The following VPS26A variants were observed in gnomAD, a reference collection of about 807,000 sequenced individuals.
The protein encoded by VPS26A is vacuolar protein sorting-associated protein 26A.
VPS26A carries 22 observed loss-of-function variants against 42.4 expected under a neutral mutation model. That is an observed-to-expected ratio of 0.52 (90% CI 0.37 to 0.74). The LOEUF is 0.74. Among genes scored for constraint, VPS26A ranks in the 30% least tolerant of loss-of-function variants. VPS26A has a pLI of 0.00. For synonymous variants in VPS26A, 110 were observed against 123.5 expected, an observed-to-expected ratio of 0.89 and a Z score of 0.73; for missense variants, 276 against 379.2, an observed-to-expected ratio of 0.73 and a Z score of 2.26.
intron 2 of VPS26A, among the ~76,000 whole-genome samples, chr10:69,144,211 C>T (rs1339769692): frequency 6.6e-6 from 1 of 152,186 alleles, no homozygotes; most frequent in Non-Finnish European, 1.5e-5. Flanking sequence ...ACTAATCTTG[C>T]ATTAGAGTGA....
chr10:69,144,421 T>C (rs1841110562), intron 2 of VPS26A, among the ~76,000 whole-genome samples: 1 of 152,122 alleles, frequency 6.6e-6, no homozygotes. Flanking sequence ...GTCATGCCGC[T>C]CTGGCACCTG....
At chr10:69,163,722 C>T (rs1841614452) in intron 6 of VPS26A, among the ~76,000 whole-genome samples, 1 of 151,400 alleles carries the variant, frequency 6.6e-6, no homozygotes, top group African/African-American at 2.4e-5. Context: ...TTACCACAGT[C>T]AAGCTAATTA....
At chr10:69,146,745 A>G (rs151264444) in intron 2 of VPS26A, among the ~76,000 whole-genome samples, 3 of 152,258 alleles carry the variant, frequency 2.0e-5, no homozygotes, top group African/African-American at 7.2e-5. Context: ...TGAGAACATC[A>G]TTCTTCTTTT....
At chr10:69,156,493 T>C (rs1466501018) in intron 3 of VPS26A, among the ~76,000 whole-genome samples, 2 of 152,164 alleles carry the variant, frequency 1.3e-5, no homozygotes, top group Admixed American at 1.3e-4. Flanking sequence ...TCTAGCTTTC[T>C]AAGTTTCAGT....
At chr10:69,168,710 G>A (rs1457380687) in intron 8 of VPS26A, 79 bp downstream of exon 8, 4 of 1,518,940 alleles carry the variant, frequency 2.6e-6, no homozygotes, top group Non-Finnish European at 3.5e-6. Context: ...AAGCTTCACT[G>A]TACTGAGCGA....
intron 2 of VPS26A, among the ~76,000 whole-genome samples, chr10:69,150,760 C>G (rs1841285995): frequency 6.6e-6 from 1 of 152,060 alleles, no homozygotes; most frequent in African/African-American, 2.4e-5. Context: ...CATCATGTCT[C>G]CAACTTACTC....
Position 69,132,982 on chromosome 10 carries a change from A to G in VPS26A, c.88A>G (p.Lys30Glu), listed in dbSNP as rs1258452194. ...DGETRKMAEMKTEDGKVEKHY... is the reference protein window; with the variant it reads ...DGETRKMAEMETEDGKVEKHY... Reference sequence around the variant, plus strand: ...GGAAACCAGGAAAATGGCAGAAATGAAAACTGAAGATGGCAAAGTAGAAAA... The same window carrying G: ...GGAAACCAGGAAAATGGCAGAAATGGAAACTGAAGATGGCAAAGTAGAAAA... Residue 30 changes from lysine (K) to glutamate (E), a missense_variant, in exon 2 of 9, where the codon AAA becomes GAA. Lys to Glu is a moderately conservative substitution (Grantham distance 56). Transcript: ENST00000263559. The G allele has an allele frequency of 2.5e-6, 4 of 1,613,230 alleles. No homozygotes were observed. The highest frequency in any genetic ancestry group is 3.4e-6 in the Non-Finnish European group (4 of 1,179,842).
chr10:69,129,802 T>C (rs956122561), intron 1 of VPS26A, among the ~76,000 whole-genome samples: 3 of 152,188 alleles, frequency 2.0e-5, no homozygotes, highest in African/African-American at 4.8e-5. Flanking sequence ...GGATTACAGG[T>C]GTGAGCTACC....
At chr10:69,136,845 G>A (rs943692465) in intron 2 of VPS26A, among the ~76,000 whole-genome samples, 2 of 151,918 alleles carry the variant, frequency 1.3e-5, no homozygotes, top group African/African-American at 2.4e-5. Context: ...AGGCTGGAGT[G>A]CGATGGCGTG....
At chr10:69,171,020 A>T in intron 8 of VPS26A, 136 bp from the exon 9 acceptor site, 1 of 696,706 alleles carries the variant, frequency 1.4e-6, no homozygotes, top group African/African-American at 1.8e-5. Flanking sequence ...AAGAAAGTGG[A>T]AAAGAAGTTG....
intron 2 of VPS26A, among the ~76,000 whole-genome samples, chr10:69,151,282 AACAC>A (rs1554854472): frequency 7.3e-6 from 1 of 136,774 alleles, no homozygotes; most frequent in African/African-American, 3.3e-5. Flanking sequence ...AAAAAAAAAA[AACAC>A]ACACACACAC....
At chr10:69,137,033 G>A (rs867432581) in intron 2 of VPS26A, among the ~76,000 whole-genome samples, 33 of 151,810 alleles carry the variant, frequency 2.2e-4, no homozygotes, top group Middle Eastern at 3.4e-3. Flanking sequence ...CTTGTGATCC[G>A]CCCGCCTCAG....
At position 69,171,257 on chromosome 10, in the gene VPS26A, G is replaced by T; in HGVS notation, c.972G>T (p.Gln324His). The change falls in exon 9 of 9, where the codon CAG becomes CAT. Residue 324 changes from glutamine (Q) to histidine (H), a missense_variant. Physicochemically the swap from Gln to His is conservative, Grantham distance 24. Transcript: ENST00000263559. Reference protein sequence around the residue: ...ESPESQASAEQPEM With the variant: ...ESPESQASAEHPEM ...CAGAATCACAGGCATCTGCCGAACA[G>T]CCTGAAATGTGAACTGAACAGGAGA... 1 of 1,613,000 alleles carries T rather than the reference G, an allele frequency of 6.2e-7. No individual in the cohort carries two copies. The highest frequency in any genetic ancestry group is 2.2e-5 in the East Asian group (1 of 44,842).
chr10:69,135,939 T>C (rs1589346990), intron 2 of VPS26A, among the ~76,000 whole-genome samples: 2 of 152,346 alleles, frequency 1.3e-5, no homozygotes, highest in South Asian at 2.1e-4. Context: ...GTACTGACTT[T>C]TATAGTAGTA....
chr10:69,170,388 A>G (rs1025538992), intron 8 of VPS26A: 2 of 152,062 alleles, frequency 1.3e-5, no homozygotes. Flanking sequence ...GTTATTTCCC[A>G]TGTGCACTCA....
At chr10:69,131,892 A>G (rs866944985) in intron 1 of VPS26A, among the ~76,000 whole-genome samples, 9 of 152,210 alleles carry the variant, frequency 5.9e-5, no homozygotes, top group Admixed American at 1.3e-4. Flanking sequence ...AAAATTGCTA[A>G]TGGATTCTGT....
intron 7 of VPS26A, among the ~76,000 whole-genome samples, chr10:69,166,350 A>G (rs1024877018): frequency 2.0e-5 from 3 of 152,176 alleles, no homozygotes; most frequent in Admixed American, 1.3e-4. Context: ...ATATGTATCT[A>G]TTCTCTAGTT....
chr10:69,132,309 T>C (rs1247268652), intron 1 of VPS26A, among the ~76,000 whole-genome samples: 1 of 151,518 alleles, frequency 6.6e-6, no homozygotes, highest in Non-Finnish European at 1.5e-5. Context: ...ATGGAAATGA[T>C]TGAAATTATA....
At position 69,155,798 on chromosome 10, in the gene VPS26A, T is replaced by G. The variant is rs1214356748; in HGVS notation, c.154-14T>G. 6.2e-7 allele frequency: 1 copy of G among 1,607,374 alleles called. No homozygotes were observed. Among genetic ancestry groups the G allele is most frequent in the Non-Finnish European group, 8.5e-7 (1 of 1,175,428 alleles). On this transcript the variant is annotated splice_polypyrimidine_tract_variant and intron_variant, in intron 2 of 8. Transcript: ENST00000263559. ...AGGATTGTTAACATCTCTTATAATT[T>G]CATGTTTTGGCAGGTAAACCTAGCC...
Sources: allele counts gnomAD v4.1 joint callset (sites outside exome capture counted in the v4.1 genomes callset), GRCh38; gene constraint gnomAD v4.1.1; transcripts MANE v1.5; gene names NCBI Gene and HGNC (gene_info 2026-07-23, HGNC 2026-07-21).